SMIM35: variants seen among roughly 807,000 people sequenced by gnomAD.
SMIM35 encodes small integral membrane protein 35.
At position 118,034,419 on chromosome 11, in the gene SMIM35, A is replaced by G. The variant is rs1218878825; in HGVS notation, c.8-18610T>C. ...ATTCCAAAAACTCACCATTCCAATT[A>G]TGGGTTACAATAGGCTTAGGGGGCT... On this transcript the variant is annotated intron_variant, in intron 1 of 4. Transcript: ENST00000689828. 2.6e-5 allele frequency among the ~76,000 whole-genome samples: 4 copies of G among 151,930 alleles called. No individual in the cohort carries two copies. The East Asian group carries it at 7.8e-4, about 30-fold the overall frequency.
At chr11:118,054,164 GT>G (rs1250219875) in intron 1 of SMIM35, among the ~76,000 whole-genome samples, 1 of 105,640 alleles carries the variant, frequency 9.5e-6, no homozygotes. Context: ...GGATTTTTTT[GT>G]TTTGTTTTTT....
At chr11:118,041,223 C>T (rs910064557) in intron 1 of SMIM35, among the ~76,000 whole-genome samples, 16 of 152,218 alleles carry the variant, frequency 1.1e-4, no homozygotes, top group Admixed American at 9.2e-4. Flanking sequence ...TAAGTGAAAG[C>T]TTCAAAATTC....
chr11:118,040,025 A>G (rs1388590294), intron 1 of SMIM35, among the ~76,000 whole-genome samples: 1 of 146,636 alleles, frequency 6.8e-6, no homozygotes. Context: ...AGCCTGGGTA[A>G]CAAAGCAAGA....
At chr11:118,017,725 T>TA (rs200701618) in intron 1 of SMIM35, among the ~76,000 whole-genome samples, 5,882 of 151,952 alleles carry the variant, frequency 0.039, 278 homozygotes, top group African/African-American at 0.12. Flanking sequence ...AGGAAAGAGG[T>TA]TTAATTGACT....
intron 1 of SMIM35, among the ~76,000 whole-genome samples, chr11:118,032,914 A>G (rs1441974641): frequency 6.6e-6 from 1 of 152,220 alleles, no homozygotes; most frequent in African/African-American, 2.4e-5. Flanking sequence ...TCTCAAAACA[A>G]AAAACAACAA....
chr11:118,051,764 A>G (rs1944217677), intron 1 of SMIM35, among the ~76,000 whole-genome samples: 1 of 152,120 alleles, frequency 6.6e-6, no homozygotes, highest in African/African-American at 2.4e-5. Context: ...CTGTGGTTTC[A>G]CCTCTACAGT....
At chr11:118,025,076 A>G (rs1160992845) in intron 1 of SMIM35, among the ~76,000 whole-genome samples, 3 of 152,080 alleles carry the variant, frequency 2.0e-5, no homozygotes, top group East Asian at 1.9e-4. Flanking sequence ...AGCTTCATCA[A>G]TTTTGCTGCA....
At chr11:118,028,679 G>A in intron 1 of SMIM35, 2 of 269,126 alleles carry the variant, frequency 7.4e-6, no homozygotes, top group South Asian at 7.4e-5. Flanking sequence ...GGAAGAAAGA[G>A]GAGAAGGTGG....
chr11:118,046,747 G>A (rs1468459357), intron 1 of SMIM35, among the ~76,000 whole-genome samples: 1 of 152,160 alleles, frequency 6.6e-6, no homozygotes. Context: ...AGCTCCCCAG[G>A]GGATTCTTTC....
Position 118,010,054 on chromosome 11 carries a change from C to A in SMIM35, c.*34-3678G>T, listed in dbSNP as rs540841659. On this transcript the variant is annotated intron_variant, in intron 4 of 4. Coordinates refer to ENST00000689828, the MANE Select transcript of SMIM35 (RefSeq NM_001394165.1). ...GACCCAAGTGCCCCCATATGTAAAA[C>A]GGGACCAAGAATAATCCCTGTGTCT... 5.3e-5 allele frequency among the ~76,000 whole-genome samples: 8 copies of A among 152,302 alleles called. No homozygotes were observed. The East Asian group carries it at 1.5e-3, about 29-fold the overall frequency.
intron 4 of SMIM35, among the ~76,000 whole-genome samples, chr11:118,012,938 C>T (rs1470732323): frequency 6.6e-6 from 1 of 152,196 alleles, no homozygotes; most frequent in African/African-American, 2.4e-5. Flanking sequence ...GAGGCCTTGC[C>T]CACACTGGAC....
At chr11:118,029,165 A>G in intron 1 of SMIM35, among the ~76,000 whole-genome samples, 1 of 152,178 alleles carries the variant, frequency 6.6e-6, no homozygotes, top group East Asian at 1.9e-4. Flanking sequence ...GACCTACAAT[A>G]AAATGTTACT....
chr11:118,016,831 A>T (rs1015061990), intron 1 of SMIM35, among the ~76,000 whole-genome samples: 3 of 152,186 alleles, frequency 2.0e-5, no homozygotes, highest in Non-Finnish European at 4.4e-5. Context: ...CATACACTAA[A>T]TGCTCAATAG....
chr11:118,022,761 C>T (rs2058242134), intron 1 of SMIM35, among the ~76,000 whole-genome samples: 3 of 151,952 alleles, frequency 2.0e-5, no homozygotes, highest in Non-Finnish European at 2.9e-5. Context: ...TGAAAGCATT[C>T]GTGGGAAACA....
At chr11:118,044,790 GTT>G (rs1325946130) in intron 1 of SMIM35, among the ~76,000 whole-genome samples, 13 of 49,066 alleles carry the variant, frequency 2.6e-4, no homozygotes, top group Admixed American at 6.9e-4. Context: ...AAAAAAAAAA[GTT>G]CATTCTACTA....
intron 1 of SMIM35, among the ~76,000 whole-genome samples, chr11:118,082,335 C>T (rs688803): frequency 0.15 from 22,496 of 151,958 alleles, 1,828 homozygotes; most frequent in East Asian, 0.3. Context: ...CCTAGGTGGG[C>T]GGATCACCTG....
chr11:118,029,185 AGGGCAGT>A (rs2058298106), intron 1 of SMIM35, among the ~76,000 whole-genome samples: 2 of 152,180 alleles, frequency 1.3e-5, no homozygotes, highest in South Asian at 4.1e-4. Context: ...TCAAGAGGCC[AGGGCAGT>A]GGCTTACACC....
chr11:118,080,495 T>C (rs1367831507), intron 1 of SMIM35, among the ~76,000 whole-genome samples: 1 of 152,190 alleles, frequency 6.6e-6, no homozygotes, highest in Admixed American at 6.5e-5. Flanking sequence ...GGTCAAGCTC[T>C]GTGCCTGGGT....
chr11:118,024,952 G>T (rs117490330), intron 1 of SMIM35, among the ~76,000 whole-genome samples: 2 of 149,416 alleles, frequency 1.3e-5, no homozygotes, highest in Non-Finnish European at 3.0e-5. Flanking sequence ...GTGGTCCCCA[G>T]TGTCTATTTT....
Sources: allele counts gnomAD v4.1 joint callset (sites outside exome capture counted in the v4.1 genomes callset), GRCh38; gene constraint gnomAD v4.1.1; transcripts MANE v1.5; gene names NCBI Gene and HGNC (gene_info 2026-07-23, HGNC 2026-07-21).